Variants in LINGO2 observed in about 807,000 individuals in gnomAD.
LINGO2 encodes leucine rich repeat and Ig domain containing 2, also known as leucine-rich repeat and immunoglobulin-like domain-containing nogo receptor-interacting protein 2.
In LINGO2, 14 loss-of-function variants were observed where a neutral mutation model predicts 30.6. That is an observed-to-expected ratio of 0.46 (90% CI 0.30 to 0.72). The LOEUF is 0.72. Ranked by LOEUF, LINGO2 falls within the 30% of genes least tolerant of loss-of-function variation. LINGO2 has a pLI of 0.07. For missense variants in LINGO2, 729 were observed against 751.7 expected, an observed-to-expected ratio of 0.97 and a Z score of 0.35; for synonymous variants, 317 against 288.5, an observed-to-expected ratio of 1.10 and a Z score of -1.00.
chr9:28,566,297 A>C (rs1004219565), intron 1 of LINGO2, among the ~76,000 whole-genome samples: 1 of 152,134 alleles, frequency 6.6e-6, no homozygotes, highest in African/African-American at 2.4e-5. Flanking sequence ...ATATTTTGTC[A>C]ATGAATATAG....
At chr9:28,344,341 A>G (rs1819485043) in intron 3 of LINGO2, among the ~76,000 whole-genome samples, 1 of 152,190 alleles carries the variant, frequency 6.6e-6, no homozygotes, top group Non-Finnish European at 1.5e-5. Flanking sequence ...ACAGGGATTT[A>G]AAGAAGCAGG....
At chr9:28,679,935 T>C in the LINGO2 span, among the ~76,000 whole-genome samples, 19 of 151,572 alleles carry the variant, frequency 1.3e-4, no homozygotes, top group African/African-American at 4.6e-4. Context: ...TTCACATACT[T>C]ACCGTTTTTT....
chr9:27,943,887 A>T (rs975080917), downstream of LINGO2: 2 of 152,156 alleles, frequency 1.3e-5, no homozygotes, highest in Non-Finnish European at 2.9e-5. Flanking sequence ...CCTATTCAGG[A>T]TGTTCTCCAG....
At chr9:28,733,312 G>C in the LINGO2 span, among the ~76,000 whole-genome samples, 2 of 152,032 alleles carry the variant, frequency 1.3e-5, no homozygotes, top group East Asian at 1.9e-4. Context: ...CATACGTAAA[G>C]AGATACAAGC....
At chr9:28,680,330 G>A in the LINGO2 span, among the ~76,000 whole-genome samples, 1 of 151,892 alleles carries the variant, frequency 6.6e-6, no homozygotes, top group Non-Finnish European at 1.5e-5. Flanking sequence ...ATTCTGTTGT[G>A]TATATTTATA....
chr9:28,520,878 C>A (rs1820802848), intron 1 of LINGO2, among the ~76,000 whole-genome samples: 1 of 152,120 alleles, frequency 6.6e-6, no homozygotes, highest in African/African-American at 2.4e-5. Flanking sequence ...ATATGATAAG[C>A]ACTAATTAGA....
At chr9:28,841,618 G>GA in the LINGO2 span, among the ~76,000 whole-genome samples, 3 of 151,258 alleles carry the variant, frequency 2.0e-5, no homozygotes, top group South Asian at 2.1e-4. Flanking sequence ...CAACGGCAAT[G>GA]AAAAAAAATA....
the LINGO2 span, among the ~76,000 whole-genome samples, chr9:29,139,586 T>C: frequency 6.6e-6 from 1 of 152,060 alleles, no homozygotes; most frequent in Non-Finnish European, 1.5e-5. Flanking sequence ...CAACAACATA[T>C]GGATCAATTC....
At chr9:28,751,487 G>A in the LINGO2 span, among the ~76,000 whole-genome samples, 2 of 151,720 alleles carry the variant, frequency 1.3e-5, no homozygotes, top group African/African-American at 4.9e-5. Flanking sequence ...CCATGAACAT[G>A]GCCCATATTA....
In LINGO2 at chr9:28,077,897, C is replaced by A. The variant is rs575396529; in HGVS notation, c.-86-65492G>T. Among the ~76,000 whole-genome samples, 173 of 148,984 alleles carry A rather than the reference C, an allele frequency of 1.2e-3. 1 individual carries two copies. In the South Asian group the frequency reaches 0.013, roughly 11 times the overall value. ...GTTACTTGTCTTTGTGAAAATGAAC[C>A]TACTCTACTGCTTCTTTGAAGGAAA... On this transcript the variant is annotated intron_variant, in intron 4 of 5. Coordinates refer to ENST00000379992, the Ensembl canonical transcript of LINGO2.
intron 3 of LINGO2, among the ~76,000 whole-genome samples, chr9:28,371,639 A>C (rs1160823528): frequency 6.6e-6 from 1 of 152,170 alleles, no homozygotes; most frequent in African/African-American, 2.4e-5. Flanking sequence ...TTGTCACTGC[A>C]GGGCTACGCT....
At chr9:28,456,117 G>A (rs2135096587) in intron 2 of LINGO2, among the ~76,000 whole-genome samples, 1 of 152,158 alleles carries the variant, frequency 6.6e-6, no homozygotes, top group African/African-American at 2.4e-5. Context: ...TTTATCTTAT[G>A]CTGTGTTGTG....
rs548387082 is a variant in LINGO2 at position 28,041,365 on chromosome 9, G to A, written c.-86-28960C>T. On this transcript the variant is annotated intron_variant, in intron 4 of 5. Coordinates refer to ENST00000379992, the Ensembl canonical transcript of LINGO2. ...TGTTGTCTTAATGTTCATACTGTAC[G>A]GAGTGAGTGAGCTGCTTGGAACTCT... Among the ~76,000 whole-genome samples, 7 of 152,252 alleles carry A rather than the reference G, an allele frequency of 4.6e-5. No homozygotes were observed. In the East Asian group the frequency reaches 7.7e-4, roughly 17 times the overall value.
chr9:28,598,428 A>C (rs1482417948), intron 1 of LINGO2, among the ~76,000 whole-genome samples: 2 of 140,676 alleles, frequency 1.4e-5, no homozygotes, highest in East Asian at 2.0e-4. Context: ...CAAAAAAAAA[A>C]AAAAAACAAA....
chr9:28,864,811 G>T, the LINGO2 span, among the ~76,000 whole-genome samples: 66 of 152,130 alleles, frequency 4.3e-4, no homozygotes, highest in Middle Eastern at 3.4e-3. Context: ...AAATATGTAT[G>T]TATGAAAAAA....
At chr9:28,569,897 A>G (rs1443206752) in intron 1 of LINGO2, among the ~76,000 whole-genome samples, 1 of 152,000 alleles carries the variant, frequency 6.6e-6, no homozygotes, top group Non-Finnish European at 1.5e-5. Context: ...AACATTGTAT[A>G]CCTTAAATAT....
chr9:28,159,550 T>C (rs1035073539), intron 4 of LINGO2, among the ~76,000 whole-genome samples: 1 of 152,144 alleles, frequency 6.6e-6, no homozygotes, highest in East Asian at 1.9e-4. Context: ...CCAAGCTAAT[T>C]AACAAGTCCA....
intron 4 of LINGO2, among the ~76,000 whole-genome samples, chr9:28,067,622 C>T (rs1825353637): frequency 6.6e-6 from 1 of 152,018 alleles, no homozygotes; most frequent in Admixed American, 6.6e-5. Flanking sequence ...AAAAAATTAA[C>T]ACTCTCAATG....
At chr9:28,320,742 A>G (rs1825011474) in intron 3 of LINGO2, among the ~76,000 whole-genome samples, 1 of 152,160 alleles carries the variant, frequency 6.6e-6, no homozygotes, top group Non-Finnish European at 1.5e-5. Flanking sequence ...CAAAGATCCA[A>G]TTCAATAGAG....
Sources: gnomAD v4.1 joint callset for allele counts (sites outside exome capture counted in the v4.1 genomes callset) on GRCh38, gnomAD v4.1.1 for gene constraint, MANE v1.5 for transcripts, NCBI Gene and HGNC (gene_info 2026-07-23, HGNC 2026-07-21) for gene names.